TRIM37: variants seen among roughly 807,000 people sequenced by gnomAD.
The protein encoded by TRIM37 is tripartite motif containing 37, also known as E3 ubiquitin-protein ligase TRIM37.
TRIM37 carries 80 observed loss-of-function variants against 129.8 expected under a neutral mutation model. The ratio of observed to expected loss-of-function variants is 0.62; its 90% confidence interval spans 0.51 to 0.74. The LOEUF (loss-of-function observed/expected upper bound fraction) is 0.74, where lower values mean the gene tolerates loss of function less well. Ranked by LOEUF, TRIM37 falls within the 30% of genes least tolerant of loss-of-function variation. TRIM37 has a pLI of 0.00. For missense variants in TRIM37, 1,054 were observed against 1,176.5 expected, an observed-to-expected ratio of 0.90 and a Z score of 1.52; for synonymous variants, 389 against 387.1, an observed-to-expected ratio of 1.00 and a Z score of -0.06.
chr17:59,046,304 C>A (rs1464693028), intron 16 of TRIM37, among the ~76,000 whole-genome samples: 1 of 152,058 alleles, frequency 6.6e-6, no homozygotes, highest in Non-Finnish European at 1.5e-5. Context: ...AGAAACCTGG[C>A]GGATGCTACC....
At chr17:59,067,641 T>C (rs776762346) in intron 9 of TRIM37, among the ~76,000 whole-genome samples, 3 of 152,082 alleles carry the variant, frequency 2.0e-5, no homozygotes, top group African/African-American at 7.2e-5. Flanking sequence ...TTTTATTTTT[T>C]CTTTTCTGCC....
chr17:59,092,870 A>G (rs918609749), intron 2 of TRIM37, among the ~76,000 whole-genome samples: 2 of 152,164 alleles, frequency 1.3e-5, no homozygotes, highest in Admixed American at 6.5e-5. Flanking sequence ...ATAAAGCTGA[A>G]AGAAAAAGCA....
chr17:58,981,249 C>A (rs552780372), downstream of TRIM37: 35 of 508,048 alleles, frequency 6.9e-5, no homozygotes, highest in Admixed American at 1.9e-4. Context: ...ACAGCTGGTC[C>A]CTGTGATGTG....
In TRIM37 at chr17:59,033,394, T is replaced by C. The variant is rs115833904; in HGVS notation, c.1754-1304A>G. Among the ~76,000 whole-genome samples, 424 of 152,288 alleles carry C rather than the reference T, an allele frequency of 2.8e-3. 3 individuals are homozygous for C. The highest frequency in any genetic ancestry group is 9.8e-3 in the African/African-American group (409 of 41,576). On this transcript the variant is annotated intron_variant, in intron 17 of 23. Coordinates refer to ENST00000262294, the MANE Select transcript of TRIM37 (RefSeq NM_015294.6). ...CCAGCCTCTGTATTACTGCAATTCCTATTAAATAACAGAAAACGATTTCCC... is the reference window on the plus strand; with the variant it reads ...CCAGCCTCTGTATTACTGCAATTCCCATTAAATAACAGAAAACGATTTCCC...
Position 59,010,555 on chromosome 17 carries a change from G to A in TRIM37, c.2695+1773C>T, listed in dbSNP as rs191617894. ...GTCGTCCAGGCTGGAGTGCAGTGGC[G>A]TGATCTCAGCTCACTGCAACCTCTG... On this transcript the variant is annotated intron_variant, in intron 22 of 23. Transcript: ENST00000262294. 3.9e-5 allele frequency among the ~76,000 whole-genome samples: 6 copies of A among 152,196 alleles called. No individual in the cohort carries two copies. The East Asian group carries it at 9.7e-4, about 25-fold the overall frequency.
chr17:58,979,931 T>C, downstream of TRIM37: 1 of 1,510,718 alleles, frequency 6.6e-7, no homozygotes, highest in Non-Finnish European at 9.0e-7. Context: ...GCATGCAAGG[T>C]AAAACAAATG....
chr17:58,995,755 C>T (rs547645681), downstream of TRIM37, among the ~76,000 whole-genome samples: 5 of 152,222 alleles, frequency 3.3e-5, 1 homozygote, highest in South Asian at 4.2e-4. Flanking sequence ...TTTGGCTGGG[C>T]GCAGTGGCAC....
chr17:59,005,173 C>T (rs2034313311), intron 22 of TRIM37, among the ~76,000 whole-genome samples: 1 of 152,170 alleles, frequency 6.6e-6, no homozygotes, highest in Admixed American at 6.5e-5. Flanking sequence ...CCGACAAATA[C>T]CAACCTTCAG....
At chr17:59,061,736 T>C (rs970126602) in intron 11 of TRIM37, among the ~76,000 whole-genome samples, 25 of 152,130 alleles carry the variant, frequency 1.6e-4, no homozygotes, top group African/African-American at 5.8e-4. Context: ...GAATCACATT[T>C]ATTATAACTA....
Position 59,091,324 on chromosome 17 carries a change from T to C in TRIM37, c.140A>G (p.Gln47Arg). The change falls in exon 3 of 24, where the codon CAG becomes CGG. Residue 47 changes from glutamine (Q) to arginine (R), a missense_variant. Transcript: ENST00000262294. The part of the protein sequence containing the change: ...FSCIRRWLTE[Q>R]RAQCPHCRAP... ...CCGGCAATGAGGACATTGAGCTCTC[T>C]GCTCTGTCAGCCAGCGCTAAGGGGG... 1.3e-6 allele frequency: 2 copies of C among 1,578,140 alleles called. No homozygotes were observed. The highest frequency in any genetic ancestry group is 1.4e-5 in the African/African-American group (1 of 73,524).
chr17:59,012,559 C>A, intron 21 of TRIM37, 113 bp from the exon 22 acceptor site: 2 of 744,488 alleles, frequency 2.7e-6, no homozygotes, highest in African/African-American at 1.7e-5. Context: ...GTGCTTAATA[C>A]TAAATTTCAA....
chr17:59,067,887 T>C (rs1283742932), intron 9 of TRIM37, among the ~76,000 whole-genome samples: 2 of 152,216 alleles, frequency 1.3e-5, no homozygotes, highest in African/African-American at 4.8e-5. Context: ...ACAACAATAC[T>C]GGGCACATAG....
intron 22 of TRIM37, among the ~76,000 whole-genome samples, chr17:59,008,480 T>C (rs1387458528): frequency 6.6e-6 from 1 of 152,242 alleles, no homozygotes; most frequent in Non-Finnish European, 1.5e-5. Flanking sequence ...AGCTGTCAAT[T>C]AGCTTTAAAT....
chr17:59,076,230 G>C (rs920217298), intron 7 of TRIM37, among the ~76,000 whole-genome samples: 4 of 152,146 alleles, frequency 2.6e-5, no homozygotes, highest in Non-Finnish European at 4.4e-5. Context: ...CAAAAAGTTG[G>C]AGACAGAAAA....
downstream of TRIM37, among the ~76,000 whole-genome samples, chr17:58,978,687 G>A (rs1401068067): frequency 6.6e-6 from 1 of 152,052 alleles, no homozygotes; most frequent in African/African-American, 2.4e-5. Context: ...CTCCAGCCTG[G>A]GCGACAAAAA....
intron 12 of TRIM37, among the ~76,000 whole-genome samples, chr17:59,058,986 C>A (rs756440958): frequency 2.6e-5 from 4 of 152,134 alleles, no homozygotes; most frequent in Non-Finnish European, 4.4e-5. Context: ...TGCATTAATG[C>A]ACATTATCAA....
At chr17:58,985,616 A>AAGTG (rs2031731206) in intron 24 of TRIM37, among the ~76,000 whole-genome samples, 1 of 152,212 alleles carries the variant, frequency 6.6e-6, no homozygotes, top group African/African-American at 2.4e-5. Flanking sequence ...GACTGCTGAT[A>AAGTG]AGTGAGTAAA....
At chr17:59,077,766 C>T (rs535965511) in intron 7 of TRIM37, among the ~76,000 whole-genome samples, 7 of 144,380 alleles carry the variant, frequency 4.8e-5, no homozygotes, top group African/African-American at 1.3e-4. Flanking sequence ...GCCAAGATCA[C>T]GCCACTGCAC....
chr17:59,025,606 C>T (rs947438319), intron 19 of TRIM37, among the ~76,000 whole-genome samples: 1 of 151,982 alleles, frequency 6.6e-6, no homozygotes, highest in African/African-American at 2.4e-5. Context: ...GAAGTCCCAC[C>T]GTAAGACCTG....
Sources: allele counts gnomAD v4.1 joint callset (sites outside exome capture counted in the v4.1 genomes callset), GRCh38; gene constraint gnomAD v4.1.1; transcripts MANE v1.5; gene names NCBI Gene and HGNC (gene_info 2026-07-23, HGNC 2026-07-21).